Variants in MECR observed in about 807,000 individuals in gnomAD.
MECR encodes the protein mitochondrial trans-2-enoyl-CoA reductase, also known as enoyl-[acyl-carrier-protein] reductase, mitochondrial.
MECR carries 37 observed loss-of-function variants against 49.1 expected under a neutral mutation model. That is an observed-to-expected ratio of 0.75 (90% CI 0.58 to 0.99). MECR has a LOEUF of 0.99. Ranked by LOEUF, MECR falls within the 50% of genes least tolerant of loss-of-function variation. The pLI, the probability that MECR is intolerant of heterozygous loss-of-function variation, is 0.00. For missense variants in MECR, 470 were observed against 479.6 expected, an observed-to-expected ratio of 0.98 and a Z score of 0.19; for synonymous variants, 198 against 191.1, an observed-to-expected ratio of 1.04 and a Z score of -0.30.
At chr1:29,220,945 G>A (rs1283745850) in intron 1 of MECR, 1 of 984,444 alleles carries the variant, frequency 1.0e-6, no homozygotes, top group Non-Finnish European at 1.2e-6. Context: ...CTGAGTCACT[G>A]AAAGGAAGAC....
chr1:29,176,041 A>G, the MECR span, among the ~76,000 whole-genome samples: 10 of 152,064 alleles, frequency 6.6e-5, no homozygotes, highest in Non-Finnish European at 1.0e-4. Flanking sequence ...TCATGAGGTC[A>G]GGAGATCAAG....
rs1417848565 is a variant in MECR, at chr1:29,192,891, T to C, written c.*1131A>G. On this transcript the variant is annotated 3_prime_UTR_variant, in exon 10 of 10. Transcript: ENST00000263702. ...AGTCACTATGGTAATTACTGTGAGATTGTTTAATGCACGGTTTATCAACGA... is the reference window on the plus strand; with the variant it reads ...AGTCACTATGGTAATTACTGTGAGACTGTTTAATGCACGGTTTATCAACGA... 1.3e-5 allele frequency: 2 copies of C among 152,148 alleles called. No individual in the cohort carries two copies. The highest frequency in any genetic ancestry group is 4.8e-5 in the African/African-American group (2 of 41,442). 9.4% of individuals were successfully genotyped at this position (152,148 alleles called of 1,614,324 possible).
chr1:29,181,459 C>T, the MECR span, among the ~76,000 whole-genome samples: 2 of 152,200 alleles, frequency 1.3e-5, no homozygotes, highest in Non-Finnish European at 2.9e-5. Flanking sequence ...CTCCACCACC[C>T]CCACCCGCGC....
intron 1 of MECR, chr1:29,220,801 G>A (rs1220799478): frequency 3.6e-6 from 2 of 555,964 alleles, no homozygotes; most frequent in Non-Finnish European, 4.6e-6. Context: ...GGGATTAAAT[G>A]AGTTAATGTA....
intron 3 of MECR, among the ~76,000 whole-genome samples, chr1:29,210,483 C>T (rs1048173205): frequency 1.6e-4 from 25 of 152,328 alleles, no homozygotes; most frequent in Middle Eastern, 6.8e-3. Flanking sequence ...TCAGCTAACA[C>T]TTACTGTACT....
chr1:29,168,883 G>A, the MECR span: 1 of 152,172 alleles, frequency 6.6e-6, no homozygotes, highest in African/African-American at 2.4e-5. Flanking sequence ...AAGCGTGAAT[G>A]GTAGGAGGGA....
intron 3 of MECR, among the ~76,000 whole-genome samples, chr1:29,214,631 G>A (rs1354440516): frequency 6.6e-6 from 1 of 152,172 alleles, no homozygotes; most frequent in African/African-American, 2.4e-5. Flanking sequence ...AAAGTGCTGG[G>A]ATTACAGGCG....
In MECR at chr1:29,216,276, C is replaced by G. The variant is rs1574442459; in HGVS notation, c.275-140G>C. Reference sequence around the variant, plus strand: ...TAACCAACCTCTGAGCCTTAGCTTGCTTGTCTGTATAGGGGGACAATATTC... The same window carrying G: ...TAACCAACCTCTGAGCCTTAGCTTGGTTGTCTGTATAGGGGGACAATATTC... On this transcript the variant is annotated intron_variant, in intron 2 of 9. Transcript: ENST00000263702. The G allele has an allele frequency of 4.1e-6, 4 of 965,224 alleles. No individual in the cohort carries two copies. The East Asian group carries it at 1.0e-4, about 24-fold the overall frequency. The allele number at this position is 965,224 out of a possible 1,614,324, so 59.8% of individuals were successfully genotyped here. A position where few individuals can be genotyped will look rare whatever the true frequency, so the allele number is the denominator to read the frequency against.
At chr1:29,185,485 C>T in the MECR span, among the ~76,000 whole-genome samples, 4 of 151,420 alleles carry the variant, frequency 2.6e-5, no homozygotes, top group African/African-American at 4.9e-5. Flanking sequence ...GCACGATCCC[C>T]GCTCACTGCA....
At chr1:29,206,434 G>A (rs1304977277) in intron 4 of MECR, among the ~76,000 whole-genome samples, 2 of 152,152 alleles carry the variant, frequency 1.3e-5, no homozygotes, top group Non-Finnish European at 2.9e-5. Context: ...GAAAACATAG[G>A]GACTGTGTCT....
At chr1:29,174,403 A>G in the MECR span, among the ~76,000 whole-genome samples, 1 of 152,206 alleles carries the variant, frequency 6.6e-6, no homozygotes. Context: ...CAACAGTATT[A>G]TACATGCATA....
intron 4 of MECR, 31 bp from the exon 5 acceptor site, chr1:29,203,264 C>T: frequency 1.3e-6 from 2 of 1,519,414 alleles, no homozygotes; most frequent in Non-Finnish European, 1.8e-6. Context: ...CCAAATCAAG[C>T]CCTGTATAGA....
the MECR span, among the ~76,000 whole-genome samples, chr1:29,187,237 C>A: frequency 6.6e-6 from 1 of 151,998 alleles, no homozygotes; most frequent in Non-Finnish European, 1.5e-5. Flanking sequence ...TTTTTGAGAC[C>A]GAGTCTCACT....
At chr1:29,172,016 T>C in the MECR span, 3 of 152,104 alleles carry the variant, frequency 2.0e-5, no homozygotes, top group African/African-American at 7.2e-5. Context: ...TGGTCAAAAA[T>C]CTCAATATGG....
chr1:29,191,482 A>G (rs1479989813), downstream of MECR, among the ~76,000 whole-genome samples: 4 of 152,104 alleles, frequency 2.6e-5, no homozygotes, highest in African/African-American at 7.2e-5. Context: ...TATAGGTGTG[A>G]GACACCTCAC....
At chr1:29,219,807 C>G (rs933165673) in intron 1 of MECR, among the ~76,000 whole-genome samples, 1 of 152,166 alleles carries the variant, frequency 6.6e-6, no homozygotes, top group African/African-American at 2.4e-5. Flanking sequence ...ACATAAAAAC[C>G]TCGTTAGATC....
chr1:29,202,139 T>A, intron 5 of MECR, 94 bp from the exon 6 acceptor site: 1 of 1,093,748 alleles, frequency 9.1e-7, no homozygotes, highest in Non-Finnish European at 1.4e-6. Flanking sequence ...GAACCCGTGC[T>A]TCTTTTTGCA....
At chr1:29,228,617 G>T (rs897567253) in intron 1 of MECR, among the ~76,000 whole-genome samples, 41 of 152,192 alleles carry the variant, frequency 2.7e-4, no homozygotes, top group East Asian at 9.6e-4. Context: ...CGCCCGGTTG[G>T]AAGTATCATG....
At chr1:29,212,344 A>G (rs2819607) in intron 3 of MECR, among the ~76,000 whole-genome samples, 15,602 of 152,136 alleles carry the variant, frequency 0.1, 1,028 homozygotes, top group African/African-American at 0.19. Context: ...GCTTGAACCC[A>G]TGAGGTGGAG....
Sources: allele counts gnomAD v4.1 joint callset (sites outside exome capture counted in the v4.1 genomes callset), GRCh38; gene constraint gnomAD v4.1.1; transcripts MANE v1.5; gene names NCBI Gene and HGNC (gene_info 2026-07-23, HGNC 2026-07-21).